ST6GALNAC2: variants seen among roughly 807,000 people sequenced by gnomAD.
ST6GALNAC2 encodes the protein ST6 N-acetylgalactosaminide alpha-2,6-sialyltransferase 2.
A neutral mutation model predicts 38.7 loss-of-function variants in ST6GALNAC2; 42 were observed. That is an observed-to-expected ratio of 1.09 (90% CI 0.85 to 1.40). The LOEUF (loss-of-function observed/expected upper bound fraction) is 1.40, where lower values mean the gene tolerates loss of function less well. Ranked by LOEUF, ST6GALNAC2 falls within the 40% of genes most tolerant of loss-of-function variation. ST6GALNAC2 has a pLI of 0.00. For missense variants in ST6GALNAC2, 506 were observed against 481.7 expected (o/e 1.05, Z -0.47); for synonymous variants, 233 against 209.0 (o/e 1.11, Z -0.99).
chr17:76,569,273 G>A, intron 6 of ST6GALNAC2: 1 of 309,624 alleles, frequency 3.2e-6, no homozygotes, highest in East Asian at 5.0e-5. Flanking sequence ...TTCTGAATTG[G>A]CCCGATATAG....
In ST6GALNAC2 at chr17:76,581,264, C is replaced by T. The variant is rs1200644426; in HGVS notation, c.126-2448G>A. Among the ~76,000 whole-genome samples the T allele has an allele frequency of 3.3e-5, 5 of 152,178 alleles. No individual in the cohort carries two copies. The East Asian group carries it at 9.6e-4, about 29-fold the overall frequency. ...GTCTGCCCACATAATCCCGTAGTTC[C>T]TGCTCATGAGCACAATATGACCCCC... On this transcript the variant is annotated intron_variant, in intron 1 of 8. Transcript: ENST00000225276.
At position 76,573,359 on chromosome 17, in the gene ST6GALNAC2, G is replaced by A. The variant is rs1249153005; in HGVS notation, c.366C>T (p.Ile122=). The A allele has an allele frequency of 6.5e-6, 10 of 1,539,204 alleles. No individual in the cohort carries two copies. The East Asian group carries it at 7.2e-5, about 11-fold the overall frequency. Residue 122 remains isoleucine, a synonymous_variant, in exon 4 of 9, where the codon ATC becomes ATT. Transcript: ENST00000225276. The surrounding 1 kb of genome is among the most constrained non-coding windows in gnomAD (Gnocchi z 5.1). ...CGTTCAGAAGGCTCAGGGTGGAGGC[G>A]ATGACTGTGGGTGCAGATGGGGAGC... ...YGWRGLSHQV[I]ASTLSLLNGS...
At chr17:76,568,486 GTTTCCTGTCCA>G in intron 7 of ST6GALNAC2, 1 of 588,594 alleles carries the variant, frequency 1.7e-6, no homozygotes, top group Non-Finnish European at 3.0e-6. Context: ...GTTATCCTGA[GTTTCCTGTCCA>G]TTTCCTGGTG....
intron 1 of ST6GALNAC2, among the ~76,000 whole-genome samples, chr17:76,583,342 C>A (rs2143323867): frequency 7.6e-6 from 1 of 131,442 alleles, no homozygotes; most frequent in Admixed American, 9.4e-5. Context: ...GGCCACTGCA[C>A]TCCAGCCTGG....
rs576920368 is a variant in ST6GALNAC2 at position 76,579,296 on chromosome 17, G to A, written c.126-480C>T. On this transcript the variant is annotated intron_variant, in intron 1 of 8. Transcript: ENST00000225276. Reference sequence around the variant, plus strand: ...ACTTTCTTATGTTTTGCCTCACTGTGTAAACTCAAAGATCAAGGCGTCCCT... The same window carrying A: ...ACTTTCTTATGTTTTGCCTCACTGTATAAACTCAAAGATCAAGGCGTCCCT... Among the ~76,000 whole-genome samples, 18 of 152,350 alleles carry A rather than the reference G, an allele frequency of 1.2e-4. No homozygotes were observed. The South Asian group carries it at 3.5e-3, about 30-fold the overall frequency.
intron 8 of ST6GALNAC2, 40 bp downstream of exon 8, chr17:76,567,413 G>T: frequency 6.9e-7 from 1 of 1,445,932 alleles, no homozygotes; most frequent in Non-Finnish European, 9.7e-7. Context: ...GTTATCCTGT[G>T]TTCTGCCGGC....
chr17:76,570,251 T>G (rs1165506173), intron 6 of ST6GALNAC2: 4 of 333,544 alleles, frequency 1.2e-5, no homozygotes, highest in East Asian at 6.6e-5. Flanking sequence ...GCAGGGAGAG[T>G]GCAGCCCAAA....
rs1314712922 is a variant in ST6GALNAC2, at chr17:76,570,625, A to G, written c.713T>C (p.Val238Ala). ...GCCCAGAATGGCCGATCTCAGCATCACATAGTCGCGGATGTCTGAGGGGAT... is the reference window on the plus strand; with the variant it reads ...GCCCAGAATGGCCGATCTCAGCATCGCATAGTCGCGGATGTCTGAGGGGAT... ...IFIPSDIRDY[V>A]MLRSAILGVP... The change falls in exon 6 of 9, where the codon GTG becomes GCG. Residue 238 changes from valine (V) to alanine (A), a missense_variant. By Grantham distance (64) the Val-to-Ala change is moderately conservative. Transcript: ENST00000225276. The G allele has an allele frequency of 1.2e-6, 2 of 1,613,370 alleles. No homozygotes were observed. The highest frequency in any genetic ancestry group is 1.7e-6 in the Non-Finnish European group (2 of 1,179,828).
intron 1 of ST6GALNAC2, among the ~76,000 whole-genome samples, chr17:76,582,338 A>ATTTTTTTTTT (rs71158026): frequency 1.7e-5 from 2 of 115,370 alleles, no homozygotes; most frequent in African/African-American, 6.8e-5. Flanking sequence ...ATGCCTGGCT[A>ATTTTTTTTTT]TTTTTTTTTT....
chr17:76,585,627 C>T, intron 1 of ST6GALNAC2, 57 bp downstream of exon 1: 1 of 1,461,990 alleles, frequency 6.8e-7, no homozygotes, highest in South Asian at 1.3e-5. Flanking sequence ...GGCTGGGGAC[C>T]CTCCCCGCGC....
intron 7 of ST6GALNAC2, chr17:76,567,831 G>A: frequency 8.1e-6 from 3 of 368,568 alleles, no homozygotes; most frequent in East Asian, 6.0e-5. Context: ...GGCATAGGTG[G>A]CCTGTTTATT....
Position 76,573,395 on chromosome 17 carries a change from A to T in ST6GALNAC2, c.362-32T>A. The T allele has an allele frequency of 6.7e-7, 1 of 1,485,324 alleles. No homozygotes were observed. Among genetic ancestry groups the T allele is most frequent in the African/African-American group, 1.4e-5 (1 of 70,732 alleles). 92.0% of individuals were successfully genotyped at this position (1,485,324 alleles called of 1,614,324 possible). A position where few individuals can be genotyped will look rare whatever the true frequency, so the allele number is the denominator to read the frequency against. ...GTGCAGATGGGGAGCAGCCATGAGG[A>T]GGGCTGGCATCGGGGGCACCTGGGG... On this transcript the variant is annotated intron_variant, in intron 3 of 8. Coordinates refer to ENST00000225276, the MANE Select transcript of ST6GALNAC2 (RefSeq NM_006456.3). This position sits in a 1 kb window ranked among gnomAD's most constrained non-coding sequence, Gnocchi z 5.1.
rs568259048 is a variant in ST6GALNAC2, at chr17:76,585,236, CG to C, written c.125+447del. 5.2e-3 allele frequency among the ~76,000 whole-genome samples: 785 copies of C among 152,260 alleles called. 3 individuals are homozygous for C. Among genetic ancestry groups the C allele is most frequent in the Middle Eastern group, 0.027 (8 of 294 alleles). On this transcript the variant is annotated intron_variant, in intron 1 of 8. Transcript: ENST00000225276. Reference sequence around the variant, plus strand: ...GGAAAGGCGACTGGCCGCGGCCCGACGGAGGGTCCCCGCGAAGTTGGAAACC... The same window carrying C: ...GGAAAGGCGACTGGCCGCGGCCCGACGAGGGTCCCCGCGAAGTTGGAAACC...
At chr17:76,567,782 T>G (rs779566339) in intron 7 of ST6GALNAC2, 39 of 467,844 alleles carry the variant, frequency 8.3e-5, no homozygotes, top group Non-Finnish European at 1.4e-4. Flanking sequence ...GGCAACAGCT[T>G]GTTTTCACCC....
rs777897138 is a variant in ST6GALNAC2, at chr17:76,573,203, A to C, written c.522T>G (p.Tyr174Ter). Residue 174 changes from tyrosine (Y) to a stop codon, truncating the protein, a stop_gained, in exon 4 of 9, where the codon TAT (tyrosine) becomes TAG (stop). Coordinates refer to ENST00000225276, the MANE Select transcript of ST6GALNAC2 (RefSeq NM_006456.3). LOFTEE classifies it high-confidence loss of function. This position sits in a 1 kb window ranked among gnomAD's most constrained non-coding sequence, Gnocchi z 5.1. The part of the protein sequence containing the change: ...RQGPNIDAHD[Y>*]VFRLNGAVIK... Reference sequence around the variant, plus strand: ...GCTCCTACCCCTCATACCTGAATACATAGTCATGGGCATCGATGTTGGGAC... The same window carrying C: ...GCTCCTACCCCTCATACCTGAATACCTAGTCATGGGCATCGATGTTGGGAC... 28 of 1,611,626 alleles carry C rather than the reference A, an allele frequency of 1.7e-5. No individual in the cohort carries two copies. Among genetic ancestry groups the C allele is most frequent in the Non-Finnish European group, 2.1e-5 (25 of 1,178,988 alleles).
Position 76,578,795 on chromosome 17 carries a change from T to C in ST6GALNAC2, c.147A>G (p.Ala49=). 1.2e-6 allele frequency: 2 copies of C among 1,613,654 alleles called. No individual in the cohort carries two copies. The highest frequency in any genetic ancestry group is 1.7e-5 in the Admixed American group (1 of 59,920). ...AATTCGATGCCTTGGATTGAAAGAA[T>C]GCTTCAAATGATGTGGTGTCCCTGG... is the stretch of plus-strand genomic sequence containing the variant. The part of the protein sequence containing the change: ...AGARDTTSFE[A]FFQSKASNSW... The change falls in exon 2 of 9, where the codon GCA becomes GCG. Residue 49 remains alanine (A), a synonymous_variant. Coordinates refer to ENST00000225276, the MANE Select transcript of ST6GALNAC2 (RefSeq NM_006456.3).
intron 5 of ST6GALNAC2, 44 bp from the exon 6 acceptor site, chr17:76,570,712 G>GT (rs2075344098): frequency 6.8e-7 from 1 of 1,479,946 alleles, no homozygotes; most frequent in African/African-American, 1.4e-5. Context: ...ACCAGGACAT[G>GT]TTTAGCTCCT....
In ST6GALNAC2 at chr17:76,574,531, G is replaced by A; in HGVS notation, c.195C>T (p.Ala65=). 1 of 1,612,770 alleles carries A rather than the reference G, an allele frequency of 6.2e-7. No individual in the cohort carries two copies. Among genetic ancestry groups the A allele is most frequent in the Non-Finnish European group, 8.5e-7 (1 of 1,179,600 alleles). The stretch of plus-strand genomic sequence containing the variant: ...TGGCCAGGTGAAGCAGGTGTCGGCA[G>A]GCCTGGCCCTGTGGGTGAGAAGGTG... ...ASNSWTGKGQ[A]CRHLLHLAIQ... The change falls in exon 3 of 9, where the codon GCC becomes GCT. Residue 65 remains alanine, a synonymous_variant. Coordinates refer to ENST00000225276, the MANE Select transcript of ST6GALNAC2 (RefSeq NM_006456.3).
At chr17:76,571,497 G>A (rs1340417211) in intron 5 of ST6GALNAC2, among the ~76,000 whole-genome samples, 1 of 152,228 alleles carries the variant, frequency 6.6e-6, no homozygotes, top group East Asian at 1.9e-4. Context: ...GAGAGGCTGA[G>A]GCAGGAGAAT....
Sources: gnomAD v4.1 joint callset for allele counts (sites outside exome capture counted in the v4.1 genomes callset) on GRCh38, gnomAD v4.1.1 for gene constraint, Gnocchi (gnomAD v3.1) non-coding constraint, MANE v1.5 for transcripts, NCBI Gene and HGNC (gene_info 2026-07-23, HGNC 2026-07-21) for gene names.